The following UBTD1 variants were observed in gnomAD, a reference collection of about 807,000 sequenced individuals.
UBTD1 encodes the protein ubiquitin domain containing 1.
A neutral mutation model predicts 21.7 loss-of-function variants in UBTD1; 19 were observed. The ratio of observed to expected loss-of-function variants is 0.87; its 90% CI spans 0.61 to 1.28. The LOEUF (loss-of-function observed/expected upper bound fraction) is 1.28, where lower values mean the gene tolerates loss of function less well. UBTD1 is among the 50% of genes most tolerant of loss of function. The pLI is 0.00. For synonymous variants in UBTD1, 116 were observed against 135.1 expected (o/e 0.86, Z 0.98); for missense variants, 282 against 315.1 (o/e 0.89, Z 0.80).
intron 1 of UBTD1, among the ~76,000 whole-genome samples, chr10:97,535,972 A>ATTATTATTATTATTATTATTATTG (rs2040558765): frequency 7.4e-6 from 1 of 134,752 alleles, no homozygotes. Flanking sequence ...GAGAGAAATT[A>ATTATTATTATTATTATTATTATTG]TTATTATTAT....
intron 1 of UBTD1, among the ~76,000 whole-genome samples, chr10:97,563,231 G>T (rs2135687886): frequency 6.6e-6 from 1 of 152,274 alleles, no homozygotes; most frequent in Middle Eastern, 3.4e-3. Flanking sequence ...GTCCAAGGGG[G>T]TTCAGCGTAA....
chr10:97,534,468 A>G (rs1278500874), intron 1 of UBTD1, among the ~76,000 whole-genome samples: 1 of 151,894 alleles, frequency 6.6e-6, no homozygotes, highest in Non-Finnish European at 1.5e-5. Context: ...AGCTTTCTCC[A>G]CTTTGTCATG....
intron 1 of UBTD1, among the ~76,000 whole-genome samples, chr10:97,564,146 G>GGA (rs2040706829): frequency 6.6e-6 from 1 of 152,172 alleles, no homozygotes; most frequent in Non-Finnish European, 1.5e-5. Flanking sequence ...CAGCTAGGGT[G>GGA]TCTTCATATG....
intron 1 of UBTD1, among the ~76,000 whole-genome samples, chr10:97,539,221 GAAC>G (rs2040576599): frequency 3.9e-5 from 6 of 152,174 alleles, no homozygotes; most frequent in Admixed American, 2.0e-4. Context: ...ATGGGCAGGG[GAAC>G]AACAACCCCA....
chr10:97,521,993 G>A (rs374328844), intron 1 of UBTD1, among the ~76,000 whole-genome samples: 32 of 152,324 alleles, frequency 2.1e-4, no homozygotes, highest in African/African-American at 7.5e-4. Context: ...ATACAGAGAG[G>A]TGTGAGGTGG....
chr10:97,556,516 A>G (rs909957398), intron 1 of UBTD1, among the ~76,000 whole-genome samples: 11 of 152,300 alleles, frequency 7.2e-5, no homozygotes, highest in African/African-American at 2.4e-4. Context: ...GAGCATGTAG[A>G]TGGGGGTTCA....
intron 1 of UBTD1, among the ~76,000 whole-genome samples, chr10:97,547,380 A>G (rs1324291115): frequency 2.0e-5 from 3 of 152,194 alleles, no homozygotes; most frequent in East Asian, 3.9e-4. Flanking sequence ...TGTTTTATTT[A>G]TTAGCCACCA....
At chr10:97,526,561 C>A (rs963339616) in intron 1 of UBTD1, among the ~76,000 whole-genome samples, 11 of 152,132 alleles carry the variant, frequency 7.2e-5, no homozygotes, top group Non-Finnish European at 1.3e-4. Flanking sequence ...TGCCTTCATT[C>A]AAGACTCCTT....
At chr10:97,538,415 CCA>C (rs1321717771) in intron 1 of UBTD1, among the ~76,000 whole-genome samples, 1 of 152,056 alleles carries the variant, frequency 6.6e-6, no homozygotes. Flanking sequence ...TTAAAATGTA[CCA>C]CAGAGTAACA....
intron 1 of UBTD1, among the ~76,000 whole-genome samples, chr10:97,526,492 GT>G (rs2040489092): frequency 6.6e-6 from 1 of 152,196 alleles, no homozygotes; most frequent in East Asian, 1.9e-4. Flanking sequence ...TAAAATCTGA[GT>G]CCAGGCCCCT....
At position 97,567,925 on chromosome 10, in the gene UBTD1, C is replaced by A. The variant is rs751798916; in HGVS notation, c.82C>A (p.Pro28Thr). The change falls in exon 2 of 3, where the codon CCC (proline) becomes ACC (threonine). Residue 28 changes from proline (P) to threonine (T), a missense_variant. By Grantham distance (38) the Pro-to-Thr change is conservative. Transcript: ENST00000370664. ...TCTGTCCTGCCCAGGACGCAATGAGCCCCTGAAGAAAGAGCGGCTTAAGTG... is the reference window on the plus strand; with the variant it reads ...TCTGTCCTGCCCAGGACGCAATGAGACCCTGAAGAAAGAGCGGCTTAAGTG... ...HPRKRAGRNE[P>T]LKKERLKWKS... is the part of the protein sequence containing the mutation. 2.5e-6 allele frequency: 4 copies of A among 1,614,126 alleles called. No homozygotes were observed. Among genetic ancestry groups the A allele is most frequent in the Non-Finnish European group, 3.4e-6 (4 of 1,180,032 alleles).
chr10:97,515,863 G>T (rs780370009), intron 1 of UBTD1, among the ~76,000 whole-genome samples: 1 of 152,200 alleles, frequency 6.6e-6, no homozygotes. Context: ...GATGAAACAG[G>T]TCTGGCAGGA....
chr10:97,522,920 A>G (rs1270258333), intron 1 of UBTD1, among the ~76,000 whole-genome samples: 1 of 152,026 alleles, frequency 6.6e-6, no homozygotes, highest in Admixed American at 6.5e-5. Flanking sequence ...TCTCCTTTAG[A>G]GGCTTTCATC....
chr10:97,508,941 G>C (rs2040410025), intron 1 of UBTD1, among the ~76,000 whole-genome samples: 1 of 152,120 alleles, frequency 6.6e-6, no homozygotes, highest in African/African-American at 2.4e-5. Context: ...CCAACACCCA[G>C]ATGCCAGGGA....
intron 1 of UBTD1, among the ~76,000 whole-genome samples, chr10:97,532,136 T>G (rs563046835): frequency 6.6e-6 from 1 of 151,694 alleles, no homozygotes; most frequent in Admixed American, 6.6e-5. Context: ...GGGGGCTGAC[T>G]GGGCCGGGAG....
chr10:97,560,218 T>G (rs572149012), intron 1 of UBTD1, among the ~76,000 whole-genome samples: 5 of 152,344 alleles, frequency 3.3e-5, no homozygotes, highest in Non-Finnish European at 5.9e-5. Flanking sequence ...CCTCACCCTT[T>G]TTTTGAAGAT....
intron 1 of UBTD1, among the ~76,000 whole-genome samples, chr10:97,554,917 T>C (rs528308832): frequency 2.0e-5 from 3 of 152,202 alleles, no homozygotes; most frequent in Non-Finnish European, 2.9e-5. Flanking sequence ...GCCTCTTTTG[T>C]AGACAGTGCT....
intron 1 of UBTD1, among the ~76,000 whole-genome samples, chr10:97,534,281 C>T (rs564098061): frequency 1.3e-5 from 2 of 152,326 alleles, no homozygotes; most frequent in Admixed American, 6.5e-5. Context: ...CTATTGTGTG[C>T]GGATCATTGG....
intron 1 of UBTD1, among the ~76,000 whole-genome samples, chr10:97,507,272 G>A (rs566185687): frequency 6.6e-6 from 1 of 152,276 alleles, no homozygotes; most frequent in South Asian, 2.1e-4. Context: ...ATCATGTAGT[G>A]ATCATTTATG....
Sources: gnomAD v4.1 joint callset for allele counts (sites outside exome capture counted in the v4.1 genomes callset) on GRCh38, gnomAD v4.1.1 for gene constraint, MANE v1.5 for transcripts, NCBI Gene and HGNC (gene_info 2026-07-23, HGNC 2026-07-21) for gene names.